Variants in ERCC6L2 observed in about 807,000 individuals in gnomAD.
ERCC6L2 encodes the protein DNA excision repair protein ERCC-6-like 2.
Under a neutral mutation model 132.0 loss-of-function variants are expected in ERCC6L2, and 77 were observed. That is an observed-to-expected ratio of 0.58 (90% confidence interval 0.49 to 0.71). The LOEUF is 0.71. Ranked by LOEUF, ERCC6L2 falls within the 30% of genes least tolerant of loss-of-function variation. The pLI, the probability that ERCC6L2 is intolerant of heterozygous loss-of-function variation, is 0.00. For missense variants in ERCC6L2, 1,542 were observed against 1,837.6 expected (o/e 0.84, Z 2.94); for synonymous variants, 583 against 632.4 (o/e 0.92, Z 1.17).
At chr9:96,020,905 T>C (rs115392372), downstream of ERCC6L2, 3,427 of 456,468 alleles carry the variant, frequency 7.5e-3, 108 homozygotes, top group African/African-American at 0.061. Flanking sequence ...AGGCGTAGAG[T>C]GCTTCCGACA....
At chr9:96,030,312 A>C (rs1234226499) in intron 19 of ERCC6L2, among the ~76,000 whole-genome samples, 2 of 152,186 alleles carry the variant, frequency 1.3e-5, no homozygotes, top group Non-Finnish European at 2.9e-5. Context: ...CCCAGCCAGC[A>C]GCGGCAACAC....
intron 7 of ERCC6L2, among the ~76,000 whole-genome samples, chr9:95,921,743 G>A (rs1829878341): frequency 6.6e-6 from 1 of 152,064 alleles, no homozygotes; most frequent in Non-Finnish European, 1.5e-5. Context: ...TTTTTTTAAA[G>A]AAACAAAATT....
intron 11 of ERCC6L2, among the ~76,000 whole-genome samples, chr9:95,939,405 A>C (rs901452181): frequency 6.6e-6 from 1 of 151,782 alleles, no homozygotes; most frequent in Non-Finnish European, 1.5e-5. Context: ...TTTCTGAAGG[A>C]TATTTTCACT....
At chr9:95,923,046 G>T (rs1829944956) in intron 8 of ERCC6L2, among the ~76,000 whole-genome samples, 1 of 152,072 alleles carries the variant, frequency 6.6e-6, no homozygotes, top group Non-Finnish European at 1.5e-5. Context: ...GAAAAGTAAT[G>T]ATCAAGTTAA....
intron 4 of ERCC6L2, among the ~76,000 whole-genome samples, chr9:95,911,011 C>T (rs1317104817): frequency 1.3e-5 from 2 of 152,136 alleles, no homozygotes; most frequent in Admixed American, 6.5e-5. Context: ...TCTCCCACCT[C>T]AGCCTTCCAA....
chr9:95,956,369 A>G (rs1831600918), intron 13 of ERCC6L2, among the ~76,000 whole-genome samples: 1 of 152,162 alleles, frequency 6.6e-6, no homozygotes, highest in African/African-American at 2.4e-5. Flanking sequence ...CATTTTGAGT[A>G]GCAAGGTCAC....
intron 17 of ERCC6L2, among the ~76,000 whole-genome samples, chr9:95,991,672 T>C (rs1177844562): frequency 6.6e-6 from 1 of 152,214 alleles, no homozygotes; most frequent in Non-Finnish European, 1.5e-5. Context: ...TCTACCACCA[T>C]AGCATTGACA....
chr9:95,995,759 A>G (rs1833449424), intron 17 of ERCC6L2, among the ~76,000 whole-genome samples: 1 of 152,204 alleles, frequency 6.6e-6, no homozygotes. Flanking sequence ...AAGGTGATCC[A>G]CAGATCACAT....
At chr9:95,949,737 C>T (rs1459625516) in intron 12 of ERCC6L2, among the ~76,000 whole-genome samples, 2 of 152,138 alleles carry the variant, frequency 1.3e-5, no homozygotes, top group Non-Finnish European at 2.9e-5. Context: ...ATCCCTGGTG[C>T]AGTGGCTCAC....
At chr9:95,957,386 T>C (rs943498710) in intron 13 of ERCC6L2, among the ~76,000 whole-genome samples, 2 of 151,296 alleles carry the variant, frequency 1.3e-5, no homozygotes, top group African/African-American at 4.9e-5. Context: ...CTTAAAGCTT[T>C]TAGCTCTGTA....
At chr9:96,001,797 G>T (rs975001428) in intron 17 of ERCC6L2, among the ~76,000 whole-genome samples, 2 of 152,238 alleles carry the variant, frequency 1.3e-5, no homozygotes, top group East Asian at 3.9e-4. Context: ...GGCTTGGGCC[G>T]CACAGGAGCC....
At chr9:95,992,561 A>G (rs1231985204) in intron 17 of ERCC6L2, among the ~76,000 whole-genome samples, 1 of 152,278 alleles carries the variant, frequency 6.6e-6, no homozygotes, top group Non-Finnish European at 1.5e-5. Context: ...TTACTAAAAA[A>G]GCTGAATCTT....
intron 17 of ERCC6L2, among the ~76,000 whole-genome samples, chr9:96,001,750 T>C (rs1351465670): frequency 1.3e-5 from 2 of 152,364 alleles, no homozygotes; most frequent in African/African-American, 4.8e-5. Flanking sequence ...TTGATGGGAC[T>C]GGGCGCCGTG....
chr9:95,933,276 C>G (rs1381827251), intron 11 of ERCC6L2, among the ~76,000 whole-genome samples: 1 of 152,188 alleles, frequency 6.6e-6, no homozygotes, highest in Non-Finnish European at 1.5e-5. Context: ...ACCCAATCCC[C>G]TAACTTATCC....
In ERCC6L2 at chr9:95,992,196, G is replaced by A. The variant is rs180694871; in HGVS notation, c.3493-12324G>A. ...TTGGTTTTTTGCTTTGGAAAATATA[G>A]TTACTTTTGTTTTAAAAAGTTCCTT... On this transcript the variant is annotated intron_variant, in intron 17 of 18. Transcript: ENST00000653738. Among the ~76,000 whole-genome samples, 41 of 152,234 alleles carry A rather than the reference G, an allele frequency of 2.7e-4. No homozygotes were observed. In the East Asian group the frequency reaches 7.3e-3, roughly 27 times the overall value.
chr9:96,001,348 C>T (rs1229828595), intron 17 of ERCC6L2, among the ~76,000 whole-genome samples: 1 of 152,118 alleles, frequency 6.6e-6, no homozygotes, highest in Non-Finnish European at 1.5e-5. Flanking sequence ...GCCGAGTGGC[C>T]TGTTTTGTCA....
At chr9:96,034,652 G>C (rs985173200) in intron 19 of ERCC6L2, among the ~76,000 whole-genome samples, 6 of 152,170 alleles carry the variant, frequency 3.9e-5, no homozygotes, top group Admixed American at 3.9e-4. Context: ...GCACGGCTGG[G>C]GCTGCACACT....
At chr9:95,894,584 C>CTTTTTTT (rs1218474585) in intron 2 of ERCC6L2, among the ~76,000 whole-genome samples, 1 of 83,484 alleles carries the variant, frequency 1.2e-5, no homozygotes, top group Non-Finnish European at 2.2e-5. Flanking sequence ...ATATGTCAGC[C>CTTTTTTT]TTTTTTTTTT....
chr9:96,021,298 A>G (rs1720916644), downstream of ERCC6L2: 3 of 335,474 alleles, frequency 8.9e-6, no homozygotes, highest in Non-Finnish European at 1.7e-5. The surrounding 1 kb of genome is among the most constrained non-coding windows in gnomAD (Gnocchi z 4.7). Flanking sequence ...AGAAAAGAGA[A>G]AGCAAGCGAT....
Sources: gnomAD v4.1 joint callset for allele counts (sites outside exome capture counted in the v4.1 genomes callset) on GRCh38, gnomAD v4.1.1 for gene constraint, Gnocchi (gnomAD v3.1) non-coding constraint, MANE v1.5 for transcripts, NCBI Gene and HGNC (gene_info 2026-07-23, HGNC 2026-07-21) for gene names.